CAPN3: variants seen among roughly 807,000 people sequenced by gnomAD.
The protein encoded by CAPN3 is calpain-3.
A neutral mutation model predicts 114.0 loss-of-function variants in CAPN3; 88 were observed. The ratio of observed to expected loss-of-function variants is 0.77; its 90% CI spans 0.65 to 0.92. CAPN3 has a LOEUF of 0.92. Among genes scored for constraint, CAPN3 ranks in the 40% least tolerant of loss-of-function variants. CAPN3 has a pLI of 0.00. For synonymous variants in CAPN3, 386 were observed against 382.9 expected, an observed-to-expected ratio of 1.01 and a Z score of -0.09; for missense variants, 1,028 against 1,069.0, an observed-to-expected ratio of 0.96 and a Z score of 0.53.
Position 42,411,857 on chromosome 15 carries a change from G to C in CAPN3, c.*84G>C. The C allele has an allele frequency of 6.2e-7, 1 of 1,610,832 alleles. No homozygotes were observed. Among genetic ancestry groups the C allele is most frequent in the Non-Finnish European group, 8.5e-7 (1 of 1,178,402 alleles). On this transcript the variant is annotated 3_prime_UTR_variant, in exon 24 of 24. Transcript: ENST00000397163. Reference sequence around the variant, plus strand: ...TATTTCCAAAGCCATTTACCTCAAAGGACCCAGCAGCTACACCCCTACAGG... The same window carrying C: ...TATTTCCAAAGCCATTTACCTCAAACGACCCAGCAGCTACACCCCTACAGG...
intron 1 of CAPN3, among the ~76,000 whole-genome samples, chr15:42,381,667 G>A (rs961240723): frequency 3.9e-5 from 6 of 152,092 alleles, no homozygotes; most frequent in Non-Finnish European, 7.3e-5. Context: ...AGCCTCCCGA[G>A]TAGCTGGGAC....
chr15:42,410,702 C>T (rs201759533), intron 21 of CAPN3, 36 bp downstream of exon 21: 34 of 1,569,438 alleles, frequency 2.2e-5, no homozygotes, highest in Non-Finnish European at 2.5e-5. Context: ...GATGTGGACC[C>T]GAGACGGTGG....
At chr15:42,386,697 ACCAAGGCTATCACTCCTCTCTT>A in intron 3 of CAPN3, among the ~76,000 whole-genome samples, 1 of 152,284 alleles carries the variant, frequency 6.6e-6, no homozygotes, top group South Asian at 2.1e-4. Context: ...GCATGGCGGT[ACCAAGGCTATCACTCCTCTCTT>A]CCAAGCCCTG....
At chr15:42,363,880 C>T (rs754303747) in intron 1 of CAPN3, among the ~76,000 whole-genome samples, 9 of 152,192 alleles carry the variant, frequency 5.9e-5, no homozygotes, top group Non-Finnish European at 1.2e-4. Context: ...AGGGTTGGAG[C>T]TGGGATTTAA....
At chr15:42,370,244 A>C (rs955954694) in intron 1 of CAPN3, among the ~76,000 whole-genome samples, 2 of 152,144 alleles carry the variant, frequency 1.3e-5, no homozygotes, top group African/African-American at 4.8e-5. Flanking sequence ...GACCTCTTCC[A>C]TGTGCCCCAC....
chr15:42,370,874 G>C (rs1414613253), intron 1 of CAPN3, among the ~76,000 whole-genome samples: 1 of 152,050 alleles, frequency 6.6e-6, no homozygotes, highest in East Asian at 1.9e-4. Context: ...ATGATGTTAT[G>C]ACTTCATAAC....
chr15:42,408,757 A>C (rs2141218079), intron 16 of CAPN3: 1 of 337,534 alleles, frequency 3.0e-6, no homozygotes, highest in East Asian at 7.6e-5. Flanking sequence ...GTTAGATTGG[A>C]GTGGGAGCTT....
intron 1 of CAPN3, among the ~76,000 whole-genome samples, chr15:42,375,246 A>T (rs2053058865): frequency 6.6e-6 from 1 of 151,894 alleles, no homozygotes; most frequent in Non-Finnish European, 1.5e-5. Flanking sequence ...GTTCTGTGGA[A>T]GGTGGTGAAC....
intron 9 of CAPN3, 87 bp from the exon 10 acceptor site, chr15:42,399,405 A>C: frequency 9.6e-7 from 1 of 1,036,956 alleles, no homozygotes; most frequent in Non-Finnish European, 1.5e-6. Context: ...CTATTTTATT[A>C]TTGTGCTGTG....
At chr15:42,372,189 C>T (rs1475885398) in intron 1 of CAPN3, among the ~76,000 whole-genome samples, 3 of 151,706 alleles carry the variant, frequency 2.0e-5, no homozygotes, top group Non-Finnish European at 2.9e-5. Flanking sequence ...GATGGAGTTT[C>T]GTTCTTGTTG....
At chr15:42,375,613 G>GT (rs2053071596) in intron 1 of CAPN3, among the ~76,000 whole-genome samples, 1 of 152,158 alleles carries the variant, frequency 6.6e-6, no homozygotes, top group Admixed American at 6.5e-5. Context: ...ATCCATTGGA[G>GT]TGGATGAAAA....
At chr15:42,387,598 C>T (rs963723333) in intron 3 of CAPN3, among the ~76,000 whole-genome samples, 155 bp from the exon 4 acceptor site, 1 of 152,176 alleles carries the variant, frequency 6.6e-6, no homozygotes, top group South Asian at 2.1e-4. Flanking sequence ...ATTTACACAC[C>T]CCAAACACAA....
intron 1 of CAPN3, among the ~76,000 whole-genome samples, chr15:42,379,512 CTA>C (rs763548097): frequency 2.0e-4 from 31 of 152,104 alleles, no homozygotes; most frequent in Non-Finnish European, 3.5e-4. Context: ...CCTGCTTGAT[CTA>C]TAATTACTGA....
rs1336122026 is a variant in CAPN3, at chr15:42,399,622, T to C, written c.1324T>C (p.Cys442Arg). Residue 442 changes from cysteine (C) to arginine (R), a missense_variant, in exon 10 of 24, where the codon TGC (cysteine) becomes CGC (arginine). Physicochemically the swap from Cys to Arg is radical, Grantham distance 180. Transcript: ENST00000397163. ...GAACGAGGGCCGCTGGGTACGGGGT[T>C]GCTCTGCCGGAGGCTGCCGCAACTT... ...SVNEGRWVRG[C>R]SAGGCRNFPD... The C allele has an allele frequency of 6.2e-7, 1 of 1,610,188 alleles. No homozygotes were observed. Among genetic ancestry groups the C allele is most frequent in the Non-Finnish European group, 8.5e-7 (1 of 1,177,954 alleles).
intron 1 of CAPN3, among the ~76,000 whole-genome samples, chr15:42,378,286 A>C (rs1208658116): frequency 6.6e-6 from 1 of 152,220 alleles, no homozygotes. Flanking sequence ...ATCAAAAGTT[A>C]GTTTTAGGAC....
chr15:42,401,939 C>T lies in CAPN3; in HGVS notation c.1524+129C>T, dbSNP rs28364487. On this transcript the variant is annotated intron_variant, in intron 11 of 23. Transcript: ENST00000397163. ...CCCACAGAGCTCCTGGTATCAGGAC[C>T]ACTTGTGTTTGTAACAAGCAAAAAA... The T allele has an allele frequency of 1.1e-3, 1,490 of 1,328,526 alleles. 4 individuals are homozygous for T. The highest frequency in any genetic ancestry group is 1.5e-3 in the Non-Finnish European group (1,406 of 937,060). 82.3% of individuals were successfully genotyped at this position (1,328,526 alleles called of 1,614,324 possible). A position where few individuals can be genotyped will look rare whatever the true frequency, so the allele number is the denominator to read the frequency against.
Position 42,374,283 on chromosome 15 carries a change from C to T in CAPN3, c.310-10200C>T, listed in dbSNP as rs118113797. 675 of 152,608 alleles carry T rather than the reference C, an allele frequency of 4.4e-3. 6 individuals carry two copies. Among genetic ancestry groups the T allele is most frequent in the Non-Finnish European group, 7.9e-3 (538 of 68,276 alleles). 9.5% of individuals were successfully genotyped at this position (152,608 alleles called of 1,614,324 possible). ...GGCCCAGCTCTACTCCCAGAGCATT[C>T]GCCATGCCCTACCTGCTGTCAGGAT... On this transcript the variant is annotated intron_variant, in intron 1 of 23. Transcript: ENST00000397163.
chr15:42,374,041 G>A (rs536100637), intron 1 of CAPN3, among the ~76,000 whole-genome samples: 2 of 152,258 alleles, frequency 1.3e-5, no homozygotes, highest in South Asian at 4.1e-4. Flanking sequence ...GACCACTGCG[G>A]TCTGTCCTGA....
intron 14 of CAPN3, 57 bp from the exon 15 acceptor site, chr15:42,405,869 G>A: frequency 4.1e-6 from 6 of 1,458,996 alleles, no homozygotes; most frequent in Non-Finnish European, 5.8e-6. Flanking sequence ...GCCACTGGCG[G>A]TTCTGAGAAC....
Sources: gnomAD v4.1 joint callset for allele counts (sites outside exome capture counted in the v4.1 genomes callset) on GRCh38, gnomAD v4.1.1 for gene constraint, MANE v1.5 for transcripts, NCBI Gene and HGNC (gene_info 2026-07-23, HGNC 2026-07-21) for gene names.